The following NPHP4 variants were observed in gnomAD, a reference collection of about 807,000 sequenced individuals.
NPHP4 encodes the protein nephrocystin 4, also known as nephrocystin-4.
Under a neutral mutation model 155.8 loss-of-function variants are expected in NPHP4, and 151 were observed. The observed-to-expected ratio is 0.97, with a 90% CI of 0.85 to 1.11. The LOEUF is 1.11. Ranked by LOEUF, NPHP4 falls within the 50% of genes least tolerant of loss-of-function variation. The pLI is 0.00. For missense variants in NPHP4, 1,956 were observed against 1,925.7 expected (o/e 1.02, Z -0.29); for synonymous variants, 845 against 816.8 (o/e 1.03, Z -0.59).
At position 5,889,121 on chromosome 1, in the gene NPHP4, C is replaced by T. The variant is rs1031111029; in HGVS notation, c.2305-1655G>A. 7.2e-5 allele frequency among the ~76,000 whole-genome samples: 11 copies of T among 152,198 alleles called. No homozygotes were observed. The highest frequency in any genetic ancestry group is 1.4e-4 in the African/African-American group (6 of 41,450). ...TTCTCATCGTCGTAGCAACGTGTTA[C>T]GGCCAGCACCCCCAGGAAATCAACT... On this transcript the variant is annotated intron_variant, in intron 17 of 29. Transcript: ENST00000378156. The surrounding 1 kb of genome is among the most constrained non-coding windows in gnomAD (Gnocchi z 4.2).
intron 18 of NPHP4, among the ~76,000 whole-genome samples, chr1:5,884,740 C>T (rs1233462155): frequency 6.8e-6 from 1 of 147,024 alleles, no homozygotes; most frequent in East Asian, 2.1e-4. Flanking sequence ...ACTCCACAAC[C>T]AAGATCACTG....
At chr1:5,887,074 A>G in intron 18 of NPHP4, 1 of 578,784 alleles carries the variant, frequency 1.7e-6, no homozygotes, top group Admixed American at 3.0e-5. Flanking sequence ...ATGACCTCTA[A>G]CCCCAATCAG....
chr1:5,926,499 CAG>C (rs1189673706), intron 11 of NPHP4, among the ~76,000 whole-genome samples: 1 of 152,184 alleles, frequency 6.6e-6, no homozygotes, highest in Non-Finnish European at 1.5e-5. Flanking sequence ...TGAACACGTA[CAG>C]ACTCTTTTTT....
intron 9 of NPHP4, among the ~76,000 whole-genome samples, chr1:5,946,178 C>A (rs960476391): frequency 2.0e-5 from 3 of 152,150 alleles, no homozygotes; most frequent in African/African-American, 7.2e-5. Context: ...GGTCTTGGAA[C>A]AAACGCCCCA....
intron 1 of NPHP4, among the ~76,000 whole-genome samples, chr1:5,986,743 C>G (rs1198546313): frequency 6.6e-6 from 1 of 152,014 alleles, no homozygotes; most frequent in Non-Finnish European, 1.5e-5. Context: ...TCCAGAGAAC[C>G]CTCCGCCCCA....
chr1:5,955,892 T>A (rs1649104516), intron 6 of NPHP4, among the ~76,000 whole-genome samples: 2 of 152,204 alleles, frequency 1.3e-5, no homozygotes, highest in Non-Finnish European at 2.9e-5. Flanking sequence ...GGCTTCTGAA[T>A]GTCCTGACCA....
Position 5,948,052 on chromosome 1 carries a change from G to A in NPHP4, c.992+18C>T, listed in dbSNP as rs1243764911. Reference sequence around the variant, plus strand: ...CTTGCACATCCCCACCCATCCCTGGGGACCCAAGAGACAATACCTGGTCTT... The same window carrying A: ...CTTGCACATCCCCACCCATCCCTGGAGACCCAAGAGACAATACCTGGTCTT... On this transcript the variant is annotated intron_variant, in intron 8 of 29. Transcript: ENST00000378156. The A allele has an allele frequency of 3.1e-6, 5 of 1,603,448 alleles. No individual in the cohort carries two copies. The highest frequency in any genetic ancestry group is 4.3e-6 in the Non-Finnish European group (5 of 1,170,502).
At position 5,867,760 on chromosome 1, in the gene NPHP4, G is replaced by A. The variant is rs549077156; in HGVS notation, c.3452C>T (p.Pro1151Leu). 14 of 1,610,930 alleles carry A rather than the reference G, an allele frequency of 8.7e-6. No homozygotes were observed. The highest frequency in any genetic ancestry group is 6.6e-5 in the South Asian group (6 of 91,080). ...LSFLKKAIRLPPWHTFPGAPV... is the reference protein window; with the variant it reads ...LSFLKKAIRLLPWHTFPGAPV... ...CCTGCCTGGAAATGTGTGCCAGGGC[G>A]GCAGGCGGATGGCCTTCTTCAGGAA... The change falls in exon 24 of 30, where the codon CCG (proline) becomes CTG (leucine). Residue 1151 changes from proline (P) to leucine (L), a missense_variant. Coordinates refer to ENST00000378156, the MANE Select transcript of NPHP4 (RefSeq NM_015102.5). This position sits in a 1 kb window ranked among gnomAD's most constrained non-coding sequence, Gnocchi z 4.1.
chr1:5,948,247 C>G lies in NPHP4; in HGVS notation c.815G>C (p.Cys272Ser). The G allele has an allele frequency of 6.4e-7, 1 of 1,563,734 alleles. No individual in the cohort carries two copies. The highest frequency in any genetic ancestry group is 1.2e-5 in the South Asian group (1 of 86,272). ...CAGGGCACCACCGTCCAGTGGGCCA[C>G]ATCCCTGGAAGAGGCACAGAAGGAA... is the stretch of plus-strand genomic sequence containing the variant. ...LHVQDHFQEG[C>S]GPLDGGALEI... is the part of the protein sequence containing the mutation. The change falls in exon 8 of 30, where the codon TGT becomes TCT. Residue 272 changes from cysteine to serine, a missense_variant. Transcript: ENST00000378156.
intron 18 of NPHP4, 53 bp from the exon 19 acceptor site, chr1:5,880,292 G>A: frequency 6.3e-7 from 1 of 1,592,012 alleles, no homozygotes; most frequent in Non-Finnish European, 8.6e-7. Context: ...AGAATCTGAT[G>A]AAACAGATCA....
intron 9 of NPHP4, among the ~76,000 whole-genome samples, 154 bp downstream of exon 9, chr1:5,946,950 A>G (rs984916671): frequency 3.9e-5 from 6 of 152,248 alleles, no homozygotes; most frequent in African/African-American, 1.2e-4. Context: ...CATTCCTTAC[A>G]ATCAGCTGAT....
rs144138620 is a variant in NPHP4, at chr1:5,958,540, C to T, written c.673+3254G>A. 7.0e-3 allele frequency among the ~76,000 whole-genome samples: 1,070 copies of T among 152,126 alleles called. 8 individuals carry two copies. The highest frequency in any genetic ancestry group is 0.024 in the African/African-American group (1,004 of 41,500). ...TGAAACCCCGTCTCAACTGAAAATACAAAAATTAGCTGGGCATGGTCGTGA... is the reference window on the plus strand; with the variant it reads ...TGAAACCCCGTCTCAACTGAAAATATAAAAATTAGCTGGGCATGGTCGTGA... On this transcript the variant is annotated intron_variant, in intron 6 of 29. Transcript: ENST00000378156.
chr1:5,955,428 G>A (rs1242797692), intron 6 of NPHP4, among the ~76,000 whole-genome samples: 2 of 152,186 alleles, frequency 1.3e-5, no homozygotes, highest in Non-Finnish European at 2.9e-5. Flanking sequence ...AAGAGATATC[G>A]CCACTCCCAT....
In NPHP4 at chr1:5,891,020, C is replaced by A; in HGVS notation, c.2152G>T (p.Gly718Cys). Reference protein sequence around the residue: ...RDGTFDAGSPGFQLRYMVGPG... With the variant: ...RDGTFDAGSPCFQLRYMVGPG... ...CCCACCATGTACCTCAGCTGGAAGC[C>A]AGGAGACCCTGTCAAAGAGGCACCA... is the stretch of plus-strand genomic sequence containing the variant. Residue 718 changes from glycine (G) to cysteine (C), a missense_variant, in exon 17 of 30, where the codon GGC (glycine) becomes TGC (cysteine). By Grantham distance (159) the Gly-to-Cys change is radical. Transcript: ENST00000378156. The A allele has an allele frequency of 6.5e-7, 1 of 1,545,170 alleles. No individual in the cohort carries two copies. The highest frequency in any genetic ancestry group is 8.8e-7 in the Non-Finnish European group (1 of 1,133,450).
At position 5,941,289 on chromosome 1, in the gene NPHP4, CAA is replaced by C. The variant is rs66676950; in HGVS notation, c.1119+5813_1119+5814del. Among the ~76,000 whole-genome samples, 100 of 44,748 alleles carry C rather than the reference CAA, an allele frequency of 2.2e-3. 1 individual carries two copies. Among genetic ancestry groups the C allele is most frequent in the South Asian group, 3.6e-3 (3 of 830 alleles). 29.4% of individuals were successfully genotyped at this position (44,748 alleles called of 152,430 possible). ...TCACACCACAAACAAGAGATCTAGA[CAA>C]AAAAAAAAAAAAAAAAAAAAAAAGG... is the stretch of plus-strand genomic sequence containing the variant. On this transcript the variant is annotated intron_variant, in intron 9 of 29. Transcript: ENST00000378156.
At chr1:5,886,870 C>G (rs188639265) in intron 18 of NPHP4, 206 of 169,486 alleles carry the variant, frequency 1.2e-3, no homozygotes, top group African/African-American at 4.6e-3. Flanking sequence ...TGGTGCTGGG[C>G]CGAGAAGAAA....
At chr1:5,916,082 C>T (rs1645454404) in intron 11 of NPHP4, among the ~76,000 whole-genome samples, 1 of 152,082 alleles carries the variant, frequency 6.6e-6, no homozygotes, top group African/African-American at 2.4e-5. Context: ...AGCAAACAAA[C>T]CAAAATTCTG....
chr1:5,937,117 G>A (rs2101800301), intron 9 of NPHP4, among the ~76,000 whole-genome samples: 1 of 152,312 alleles, frequency 6.6e-6, no homozygotes. Flanking sequence ...ACTCAGTCCT[G>A]CCACACCTGG....
At position 5,889,502 on chromosome 1, in the gene NPHP4, G is replaced by A. The variant is rs564453454; in HGVS notation, c.2304+1366C>T. Among the ~76,000 whole-genome samples, 1 of 151,958 alleles carries A rather than the reference G, an allele frequency of 6.6e-6. No individual in the cohort carries two copies. Among genetic ancestry groups the A allele is most frequent in the Admixed American group, 6.5e-5 (1 of 15,270 alleles). ...TGTAGGGGGAGATCAAATGGCTTCC[G>A]TCTCCAGGTGGCACAGCAAAGAGGG... On this transcript the variant is annotated intron_variant, in intron 17 of 29. Coordinates refer to ENST00000378156, the MANE Select transcript of NPHP4 (RefSeq NM_015102.5). This position sits in a 1 kb window ranked among gnomAD's most constrained non-coding sequence, Gnocchi z 4.2.
Sources: gnomAD v4.1 joint callset for allele counts (sites outside exome capture counted in the v4.1 genomes callset) on GRCh38, gnomAD v4.1.1 for gene constraint, Gnocchi (gnomAD v3.1) non-coding constraint, MANE v1.5 for transcripts, NCBI Gene and HGNC (gene_info 2026-07-23, HGNC 2026-07-21) for gene names.